Variants in MCF2 observed in about 807,000 individuals in gnomAD.
The protein encoded by MCF2 is MCF.2 cell line derived transforming sequence, also known as proto-oncogene DBL.
MCF2 carries 44 observed loss-of-function variants against 82.5 expected under a neutral mutation model. The ratio of observed to expected loss-of-function variants is 0.53; its 90% CI spans 0.42 to 0.69. The LOEUF (loss-of-function observed/expected upper bound fraction) is 0.69. Ranked by LOEUF, MCF2 falls within the 30% of genes least tolerant of loss-of-function variation. The pLI is 0.00. For missense variants in MCF2, 623 were observed against 663.1 expected (o/e 0.94, Z 0.66); for synonymous variants, 217 against 224.9 (o/e 0.96, Z 0.32).
intron 1 of MCF2, among the ~76,000 whole-genome samples, chrX:139,637,081 C>T (rs986022924): frequency 3.6e-5 from 4 of 111,817 alleles, no homozygotes; most frequent in African/African-American, 1.3e-4. Flanking sequence ...CATTTATTGA[C>T]TACATAATAA....
chrX:139,631,284 TTTTTG>T (rs377694321), intron 3 of MCF2, 106 bp downstream of exon 6: 4 of 436,880 alleles, frequency 9.2e-6, no homozygotes, highest in East Asian at 3.8e-5. Context: ...AGCTGGGGTT[TTTTTG>T]TTTTGTTTTG....
chrX:139,582,301 G>T, exon 25 of MCF2: 1 of 510,808 alleles, frequency 2.0e-6, no homozygotes, highest in Non-Finnish European at 3.5e-6. Flanking sequence ...ATAATTAAAA[G>T]CTTTATTAAA....
At chrX:139,615,082 A>G in intron 9 of MCF2, 30 bp from the exon 13 acceptor site, 2 of 1,106,768 alleles carry the variant, frequency 1.8e-6, no homozygotes, top group African/African-American at 1.8e-5. Flanking sequence ...TATAGGAAAT[A>G]TTTTATGAAA....
chrX:139,657,644 A>T (rs1934234810), intron 1 of MCF2, among the ~76,000 whole-genome samples: 1 of 112,555 alleles, frequency 8.9e-6, no homozygotes, highest in Non-Finnish European at 1.9e-5. Context: ...ATTAGGGGTT[A>T]AACACACTGC....
intron 24 of MCF2, among the ~76,000 whole-genome samples, chrX:139,584,619 G>A: frequency 9.0e-6 from 1 of 111,495 alleles, no homozygotes; most frequent in Admixed American, 9.5e-5. Flanking sequence ...GTGTATTTTT[G>A]AGAACACACT....
intron 1 of MCF2, among the ~76,000 whole-genome samples, chrX:139,701,132 T>G (rs1386145263): frequency 8.9e-6 from 1 of 111,774 alleles, no homozygotes; most frequent in Non-Finnish European, 1.9e-5. Context: ...ATCTGGTATT[T>G]AGGGGTTTCC....
chrX:139,587,078 T>C (rs1014659278), intron 22 of MCF2, among the ~76,000 whole-genome samples: 11 of 112,030 alleles, frequency 9.8e-5, no homozygotes, highest in African/African-American at 3.2e-4. Context: ...TAATAAGTCA[T>C]TCAATGATCA....
intron 13 of MCF2, among the ~76,000 whole-genome samples, chrX:139,605,357 C>T (rs1295289874): frequency 1.8e-5 from 2 of 110,998 alleles, no homozygotes; most frequent in African/African-American, 6.5e-5. Context: ...TTTTTTCAGA[C>T]CAAATTAATA....
At position 139,678,837 on chromosome X, in the gene MCF2, T is replaced by C. The variant is rs770791973; in HGVS notation, c.-44-27049A>G. 8.9e-5 allele frequency among the ~76,000 whole-genome samples: 10 copies of C among 112,546 alleles called. No homozygotes were observed. The East Asian group carries it at 2.5e-3, about 28-fold the overall frequency. On this transcript the variant is annotated intron_variant, in intron 1 of 27. Coordinates refer to the MCF2 transcript ENST00000414978. Reference sequence around the variant, plus strand: ...AAAATCTAACAATAGCAAGCACTTATATGTGCAACAACATCATTACAGATG... The same window carrying C: ...AAAATCTAACAATAGCAAGCACTTACATGTGCAACAACATCATTACAGATG...
intron 1 of MCF2, among the ~76,000 whole-genome samples, chrX:139,702,543 A>G (rs1200346781): frequency 8.9e-6 from 1 of 112,837 alleles, no homozygotes; most frequent in Non-Finnish European, 1.9e-5. Flanking sequence ...AACTTTAAAA[A>G]CAATGCTAAT....
chrX:139,637,959 C>T (rs993373680), intron 1 of MCF2, among the ~76,000 whole-genome samples: 1 of 111,057 alleles, frequency 9.0e-6, no homozygotes, highest in African/African-American at 3.3e-5. Flanking sequence ...GGAATGTGGA[C>T]GATCTCTGCA....
intron 4 of MCF2, 103 bp downstream of exon 7, chrX:139,629,592 T>G: frequency 2.7e-6 from 2 of 737,382 alleles, no homozygotes. Flanking sequence ...ATAAATGTCT[T>G]TTATCTCCCC....
At chrX:139,591,884 C>T (rs140111640) in intron 19 of MCF2, among the ~76,000 whole-genome samples, 1 of 108,711 alleles carries the variant, frequency 9.2e-6, no homozygotes, top group Middle Eastern at 4.6e-3. Context: ...CCCCCTGAAT[C>T]TAAAATAAAA....
At chrX:139,691,838 G>T in intron 1 of MCF2, 1 of 849,449 alleles carries the variant, frequency 1.2e-6, no homozygotes, top group Non-Finnish European at 1.7e-6. Flanking sequence ...AGCCGGCCGG[G>T]CTGGGGAGGC....
chrX:139,663,750 G>A (rs1381772015), intron 1 of MCF2, among the ~76,000 whole-genome samples: 1 of 110,110 alleles, frequency 9.1e-6, no homozygotes, highest in Non-Finnish European at 1.9e-5. Context: ...TCTGTCTAAT[G>A]CTGAGAGTGG....
At chrX:139,632,090 C>CAT (rs1205161414) in intron 2 of MCF2, among the ~76,000 whole-genome samples, 12 of 110,957 alleles carry the variant, frequency 1.1e-4, no homozygotes, top group Middle Eastern at 9.3e-3. Context: ...CATATATACA[C>CAT]ATATATATAA....
intron 6 of MCF2, among the ~76,000 whole-genome samples, chrX:139,622,527 A>G (rs1932467893): frequency 8.9e-6 from 1 of 111,988 alleles, no homozygotes; most frequent in South Asian, 3.8e-4. Flanking sequence ...TGGCACATAT[A>G]CACCATGGAA....
rs750430663 is a variant in MCF2 at position 139,604,662 on chromosome X, A to C, written c.1743+19T>G. The C allele has an allele frequency of 9.2e-7, 1 of 1,086,671 alleles. No homozygotes were observed. The highest frequency in any genetic ancestry group is 1.9e-5 in the African/African-American group (1 of 52,605). 89.6% of individuals were successfully genotyped at this position (1,086,671 alleles called of 1,213,427 possible). A position where few individuals can be genotyped will look rare whatever the true frequency, so the allele number is the denominator to read the frequency against. The stretch of plus-strand genomic sequence containing the variant: ...TGGTGGTGCATATTTATATATATTT[A>C]AAAAATAATTTAACTAACCCTTTCC... On this transcript the variant is annotated intron_variant, in intron 15 of 24. Coordinates refer to ENST00000370576, the Ensembl canonical transcript of MCF2.
intron 1 of MCF2, among the ~76,000 whole-genome samples, chrX:139,678,426 C>T (rs189238392): frequency 9.0e-6 from 1 of 110,989 alleles, no homozygotes; most frequent in African/African-American, 3.3e-5. Flanking sequence ...CTTTTTAAAG[C>T]AAGATGGAAG....
Sources: allele counts gnomAD v4.1 joint callset (sites outside exome capture counted in the v4.1 genomes callset), GRCh38; gene constraint gnomAD v4.1.1; transcripts MANE v1.5; gene names NCBI Gene and HGNC (gene_info 2026-07-23, HGNC 2026-07-21).